Variants in GPR107 observed in about 807,000 individuals in gnomAD.
GPR107 encodes the protein protein GPR107.
In GPR107, 31 loss-of-function variants were observed where a neutral mutation model predicts 75.5. The observed-to-expected ratio is 0.41, with a 90% confidence interval of 0.31 to 0.55. The LOEUF (loss-of-function observed/expected upper bound fraction) is 0.55. Among genes scored for constraint, GPR107 ranks in the 20% least tolerant of loss-of-function variants. The pLI is 0.26. For synonymous variants in GPR107, 267 were observed against 251.3 expected, an observed-to-expected ratio of 1.06 and a Z score of -0.59; for missense variants, 572 against 665.7, an observed-to-expected ratio of 0.86 and a Z score of 1.55.
intron 1 of GPR107, among the ~76,000 whole-genome samples, chr9:130,058,092 G>A (rs1204913918): frequency 1.3e-5 from 2 of 152,030 alleles, no homozygotes; most frequent in Non-Finnish European, 2.9e-5. Context: ...GCCTCCCAAA[G>A]TGCTGGGATT....
At chr9:130,074,679 A>G (rs1005900857) in intron 1 of GPR107, among the ~76,000 whole-genome samples, 10 of 152,028 alleles carry the variant, frequency 6.6e-5, no homozygotes, top group Non-Finnish European at 1.2e-4. Flanking sequence ...GCTAATTCCT[A>G]TTCCTGGGAT....
At chr9:130,096,077 C>T (rs960659069) in intron 9 of GPR107, among the ~76,000 whole-genome samples, 3 of 152,082 alleles carry the variant, frequency 2.0e-5, no homozygotes, top group Non-Finnish European at 4.4e-5. Context: ...GTATTTGAGC[C>T]GAGGTCAGTG....
chr9:130,112,749 T>C lies in GPR107; in HGVS notation c.1306+5210T>C, dbSNP rs1037591208. Among the ~76,000 whole-genome samples, 3 of 152,052 alleles carry C rather than the reference T, an allele frequency of 2.0e-5. No individual in the cohort carries two copies. Among genetic ancestry groups the C allele is most frequent in the Non-Finnish European group, 4.4e-5 (3 of 67,998 alleles). ...CTTTTATTTTATTTTTTTGTTGTTT[T>C]TTATTTATTTATTTTTTTGAGACAG... On this transcript the variant is annotated intron_variant, in intron 14 of 17. Coordinates refer to ENST00000347136, the MANE Select transcript of GPR107 (RefSeq NM_020960.5). This position sits in a 1 kb window ranked among gnomAD's most constrained non-coding sequence, Gnocchi z 4.0.
At chr9:130,109,840 A>G (rs984159396) in intron 14 of GPR107, among the ~76,000 whole-genome samples, 1 of 152,214 alleles carries the variant, frequency 6.6e-6, no homozygotes, top group Non-Finnish European at 1.5e-5. Flanking sequence ...AAGTGCTGGG[A>G]TTACAGGCAT....
intron 2 of GPR107, 144 bp from the exon 3 acceptor site, chr9:130,076,268 T>C (rs543504): frequency 0.015 from 8,480 of 560,548 alleles, 139 homozygotes; most frequent in Middle Eastern, 0.053. Flanking sequence ...TTTGCTTGAG[T>C]GATTTTACTT....
At chr9:130,095,912 A>G (rs1043022367) in intron 9 of GPR107, among the ~76,000 whole-genome samples, 1 of 152,146 alleles carries the variant, frequency 6.6e-6, no homozygotes, top group African/African-American at 2.4e-5. Context: ...CTGGCCCCTG[A>G]AAGCTGGAAA....
intron 4 of GPR107, among the ~76,000 whole-genome samples, chr9:130,077,708 C>T (rs187075976): frequency 6.6e-6 from 1 of 152,288 alleles, no homozygotes; most frequent in Non-Finnish European, 1.5e-5. Context: ...AGGCAGAGGG[C>T]ATAGTCTATG....
chr9:130,101,109 G>C lies in GPR107; in HGVS notation c.1017G>C (p.Leu339Phe), dbSNP rs1564674902. 3 of 1,585,382 alleles carry C rather than the reference G, an allele frequency of 1.9e-6. No individual in the cohort carries two copies. Among genetic ancestry groups the C allele is most frequent in the Non-Finnish European group, 2.6e-6 (3 of 1,153,696 alleles). Residue 339 changes from leucine to phenylalanine, a missense_variant, in exon 12 of 18, where the codon TTG (leucine) becomes TTC (phenylalanine). Leu to Phe is a conservative substitution (Grantham distance 22). Transcript: ENST00000347136. The stretch of plus-strand genomic sequence containing the variant: ...TGTTCCTTGTTTTCTCTTCCAGTTT[G>C]AAAGGGGCGCTACTCTTCATCACCA... The part of the protein sequence containing the change: ...WAVVYYITHL[L>F]KGALLFITIA...
intron 6 of GPR107, among the ~76,000 whole-genome samples, chr9:130,085,224 A>G (rs956815584): frequency 6.6e-6 from 1 of 152,146 alleles, no homozygotes; most frequent in African/African-American, 2.4e-5. Context: ...AGTTGTGAGA[A>G]TACAGGTTTC....
At chr9:130,082,453 A>G (rs1279558911) in intron 5 of GPR107, among the ~76,000 whole-genome samples, 3 of 150,468 alleles carry the variant, frequency 2.0e-5, no homozygotes, top group Non-Finnish European at 3.0e-5. Context: ...CCTGAAGTCC[A>G]GTCTTTCCCA....
chr9:130,135,123 A>G lies in GPR107; in HGVS notation c.*2A>G, dbSNP rs1831920591. On this transcript the variant is annotated 3_prime_UTR_variant, in exon 18 of 18. Coordinates refer to ENST00000347136, the MANE Select transcript of GPR107 (RefSeq NM_020960.5). ...GGCGAGTGGGAAGGCGCCGTGTGAC[A>G]GAGCCGACCCTGAGGATGGCACTGT... 1.9e-6 allele frequency: 3 copies of G among 1,565,560 alleles called. No homozygotes were observed. In the East Asian group the frequency reaches 6.7e-5, roughly 35 times the overall value.
At chr9:130,097,609 G>A (rs6478944) in intron 9 of GPR107, among the ~76,000 whole-genome samples, 1 of 151,848 alleles carries the variant, frequency 6.6e-6, no homozygotes, top group Admixed American at 6.6e-5. Context: ...GTGTAAAGTG[G>A]TATCTTGCTT....
intron 4 of GPR107, among the ~76,000 whole-genome samples, chr9:130,078,441 G>T (rs149280750): frequency 6.6e-6 from 1 of 152,076 alleles, no homozygotes. Flanking sequence ...AATATTCTCC[G>T]TGATAACCTC....
At chr9:130,124,100 C>T (rs1189627947) in intron 14 of GPR107, among the ~76,000 whole-genome samples, 2 of 152,214 alleles carry the variant, frequency 1.3e-5, no homozygotes, top group Non-Finnish European at 2.9e-5. Flanking sequence ...CCCTCCCCGA[C>T]AACTAATCAT....
At chr9:130,107,195 G>A (rs1831178974) in intron 13 of GPR107, among the ~76,000 whole-genome samples, 1 of 152,162 alleles carries the variant, frequency 6.6e-6, no homozygotes, top group Non-Finnish European at 1.5e-5. Flanking sequence ...GGTAGGGGGT[G>A]GTTGTGGGAG....
chr9:130,085,754 A>ATTTTTTTTTTGTTTTTTTT (rs1830598911), intron 6 of GPR107, among the ~76,000 whole-genome samples: 1 of 78,674 alleles, frequency 1.3e-5, no homozygotes, highest in African/African-American at 5.0e-5. Flanking sequence ...CAATATTTTG[A>ATTTTTTTTTTGTTTTTTTT]TTTTTTTTTT....
chr9:130,075,693 A>G lies in GPR107; in HGVS notation c.199A>G (p.Met67Val). The change falls in exon 2 of 18, where the codon ATG (methionine) becomes GTG (valine). Residue 67 changes from methionine (M) to valine (V), a missense_variant. By Grantham distance (21) the Met-to-Val change is conservative. Coordinates refer to ENST00000347136, the MANE Select transcript of GPR107 (RefSeq NM_020960.5). The part of the protein sequence containing the change: ...NTFGFFKDGY[M>V]VVNVSSLSLN... Reference sequence around the variant, plus strand: ...CTTTGGCTTCTTCAAGGATGGGTACATGGTGGTGAATGTCAGTAGCCTCTC... The same window carrying G: ...CTTTGGCTTCTTCAAGGATGGGTACGTGGTGGTGAATGTCAGTAGCCTCTC... 5 of 1,609,216 alleles carry G rather than the reference A, an allele frequency of 3.1e-6. No homozygotes were observed. Among genetic ancestry groups the G allele is most frequent in the Non-Finnish European group, 4.3e-6 (5 of 1,175,586 alleles).
chr9:130,076,520 G>A (rs549231946), intron 3 of GPR107, 58 bp downstream of exon 3: 126 of 1,026,850 alleles, frequency 1.2e-4, no homozygotes, highest in South Asian at 1.1e-3. Context: ...GCCATTGAAC[G>A]GGAACACCCT....
intron 1 of GPR107, 83 bp from the exon 2 acceptor site, chr9:130,075,553 A>G: frequency 6.6e-6 from 5 of 762,404 alleles, no homozygotes; most frequent in Non-Finnish European, 1.2e-5. Context: ...GCCTGATATC[A>G]TACTTTTTAA....
Sources: gnomAD v4.1 joint callset for allele counts (sites outside exome capture counted in the v4.1 genomes callset) on GRCh38, gnomAD v4.1.1 for gene constraint, Gnocchi (gnomAD v3.1) non-coding constraint, MANE v1.5 for transcripts, NCBI Gene and HGNC (gene_info 2026-07-23, HGNC 2026-07-21) for gene names.